BOP1: variants seen among roughly 807,000 people sequenced by gnomAD.
BOP1 encodes ribosome biogenesis protein BOP1.
BOP1 carries 54 observed loss-of-function variants against 82.9 expected under a neutral mutation model. The ratio of observed to expected loss-of-function variants is 0.65; its 90% CI spans 0.52 to 0.82. BOP1 has a LOEUF of 0.82. Ranked by LOEUF, BOP1 falls within the 40% of genes least tolerant of loss-of-function variation. The pLI, the probability that BOP1 is intolerant of heterozygous loss-of-function variation, is 0.00. For synonymous variants in BOP1, 566 were observed against 451.1 expected (o/e 1.25, Z -3.23); for missense variants, 1,170 against 1,072.0 (o/e 1.09, Z -1.28).
chr8:144,270,544 C>G (rs998018332), intron 3 of BOP1, among the ~76,000 whole-genome samples: 2 of 152,090 alleles, frequency 1.3e-5, no homozygotes, highest in African/African-American at 4.8e-5. Flanking sequence ...TGAGCTGCAC[C>G]GGTAGCAGCG....
chr8:144,268,704 G>A (rs1845438271), intron 3 of BOP1, among the ~76,000 whole-genome samples: 2 of 152,158 alleles, frequency 1.3e-5, no homozygotes, highest in Non-Finnish European at 2.9e-5. Context: ...TGTGGGGTGG[G>A]GACAAGGGAG....
Position 144,263,535 on chromosome 8 carries a change from ACG to A in BOP1, c.1365_1366del (p.Val456GlyfsTer50). The A allele has an allele frequency of 6.3e-7, 1 of 1,599,660 alleles. No individual in the cohort carries two copies. Among genetic ancestry groups the A allele is most frequent in the Non-Finnish European group, 8.5e-7 (1 of 1,179,658 alleles). The stretch of plus-strand genomic sequence containing the variant: ...GGGGTTCCAGGCCACACTCTTCACC[ACG>A]CCCCCCACGGGAACAGTCCTCACAC... On this transcript the variant is annotated frameshift_variant, in exon 11 of 16. Transcript: ENST00000569669. LOFTEE classifies it high-confidence loss of function.
In BOP1 at chr8:144,263,685, G is replaced by C; in HGVS notation, c.1291+7C>G. 1 of 1,578,142 alleles carries C rather than the reference G, an allele frequency of 6.3e-7. No homozygotes were observed. Among genetic ancestry groups the C allele is most frequent in the Non-Finnish European group, 8.6e-7 (1 of 1,163,492 alleles). On this transcript the variant is annotated splice_region_variant and intron_variant, in intron 10 of 15. Transcript: ENST00000569669. ...CCAGCTCAAGGCTGCCCCCAGCTCGGACCCACCTGAAACCAGCCACTGGCC... is the reference window on the plus strand; with the variant it reads ...CCAGCTCAAGGCTGCCCCCAGCTCGCACCCACCTGAAACCAGCCACTGGCC...
chr8:144,274,799 G>A (rs1286759648), intron 3 of BOP1, among the ~76,000 whole-genome samples: 2 of 152,046 alleles, frequency 1.3e-5, no homozygotes, highest in Non-Finnish European at 2.9e-5. Flanking sequence ...CACAGGCCCC[G>A]CCGAGGCCCC....
Position 144,276,281 on chromosome 8 carries a change from T to C in BOP1, c.333A>G (p.Thr111=), listed in dbSNP as rs952481228. The C allele has an allele frequency of 9.9e-6, 16 of 1,613,466 alleles. 2 individuals carry two copies. The African/African-American group carries it at 1.3e-4, about 13-fold the overall frequency. ...QVQASTPCPR[T]EMASARIGDE... is the part of the protein sequence containing the mutation. ...CCCCAATCCGGGCGCTCGCCATCTC[T>C]GTCCTCGGGCAAGGAGTGCTGGCCT... Residue 111 remains threonine, a synonymous_variant, in exon 3 of 16, where the codon ACA becomes ACG. Transcript: ENST00000569669.
intron 2 of BOP1, among the ~76,000 whole-genome samples, chr8:144,288,111 C>CA (rs1316578515): frequency 2.0e-5 from 3 of 150,696 alleles, no homozygotes; most frequent in African/African-American, 7.3e-5. Context: ...ACTAAACATA[C>CA]AAAAAAAAAT....
At position 144,291,173 on chromosome 8, in the gene BOP1, G is replaced by T. The variant is rs1419138120; in HGVS notation, c.99+99C>A. Reference sequence around the variant, plus strand: ...CAAGACCGATTCACTGGGCGCGGGCGCCCAGGTGACAGAAGCCGGGCCCAC... The same window carrying T: ...CAAGACCGATTCACTGGGCGCGGGCTCCCAGGTGACAGAAGCCGGGCCCAC... On this transcript the variant is annotated intron_variant, in intron 1 of 15. Coordinates refer to ENST00000569669, the MANE Select transcript of BOP1 (RefSeq NM_015201.5). This position sits in a 1 kb window ranked among gnomAD's most constrained non-coding sequence, Gnocchi z 4.1. The T allele has an allele frequency of 8.5e-6, 9 of 1,059,350 alleles. No individual in the cohort carries two copies. Among genetic ancestry groups the T allele is most frequent in the Admixed American group, 4.7e-5 (1 of 21,324 alleles). 65.6% of individuals were successfully genotyped at this position (1,059,350 alleles called of 1,614,324 possible).
intron 3 of BOP1, chr8:144,267,204 G>T (rs989732565): frequency 6.7e-7 from 1 of 1,493,362 alleles, no homozygotes; most frequent in Non-Finnish European, 8.8e-7. Context: ...GTGGGGCGCC[G>T]AGGGGGGCCT....
chr8:144,263,688 C>A lies in BOP1; in HGVS notation c.1291+4G>T. On this transcript the variant is annotated splice_donor_region_variant and intron_variant, in intron 10 of 15. Coordinates refer to ENST00000569669, the MANE Select transcript of BOP1 (RefSeq NM_015201.5). Reference sequence around the variant, plus strand: ...GCTCAAGGCTGCCCCCAGCTCGGACCCACCTGAAACCAGCCACTGGCCCCC... The same window carrying A: ...GCTCAAGGCTGCCCCCAGCTCGGACACACCTGAAACCAGCCACTGGCCCCC... 1 of 1,575,946 alleles carries A rather than the reference C, an allele frequency of 6.3e-7. No individual in the cohort carries two copies. Among genetic ancestry groups the A allele is most frequent in the Non-Finnish European group, 8.6e-7 (1 of 1,162,270 alleles).
At position 144,290,338 on chromosome 8, in the gene BOP1, C is replaced by CAA. The variant is rs11353637; in HGVS notation, c.99+932_99+933dup. On this transcript the variant is annotated intron_variant, in intron 1 of 15. Transcript: ENST00000569669. ...TGGGCAACAGAGCCAGGCTCTGTCT[C>CAA]AAAAAAAAAAAAAAGAAAAAAGAAA... is the stretch of plus-strand genomic sequence containing the variant. Among the ~76,000 whole-genome samples, 245 of 125,888 alleles carry CAA rather than the reference C, an allele frequency of 1.9e-3. 1 individual carries two copies. The highest frequency in any genetic ancestry group is 4.1e-3 in the Middle Eastern group (1 of 242). The allele number at this position is 125,888 out of a possible 152,430, so 82.6% of individuals were successfully genotyped here.
chr8:144,266,524 C>CGCCCCGGCCGGCCCGCGAG (rs1471996202), intron 3 of BOP1: 1 of 990,438 alleles, frequency 1.0e-6, no homozygotes, highest in Non-Finnish European at 1.2e-6. Flanking sequence ...CCCCGCGCCT[C>CGCCCCGGCCGGCCCGCGAG]GCCCCGGCCG....
At position 144,263,037 on chromosome 8, in the gene BOP1, G is replaced by A. The variant is rs782448103; in HGVS notation, c.1710C>T (p.Arg570=). 4 of 1,570,662 alleles carry A rather than the reference G, an allele frequency of 2.5e-6. No homozygotes were observed. Among genetic ancestry groups the A allele is most frequent in the Non-Finnish European group, 1.7e-6 (2 of 1,167,000 alleles). Residue 570 remains arginine, a synonymous_variant, in exon 13 of 16, where the codon CGC becomes CGT. Transcript: ENST00000569669. ...QVLIHQLSRR[R]SQSPFRRSHG... Reference sequence around the variant, plus strand: ...GGCTGCGGCGGAACGGACTCTGGCTGCGGCGACGGCTCAGCTGGTGAATCA... The same window carrying A: ...GGCTGCGGCGGAACGGACTCTGGCTACGGCGACGGCTCAGCTGGTGAATCA...
At chr8:144,266,615 T>C in intron 3 of BOP1, 1 of 1,199,568 alleles carries the variant, frequency 8.3e-7, no homozygotes. Context: ...GCCGGCCCCA[T>C]GTCCTTCGCC....
Position 144,262,053 on chromosome 8 carries a change from GGGC to G in BOP1, c.*108_*110del, listed in dbSNP as rs1845186298. 31 of 1,489,766 alleles carry G rather than the reference GGGC, an allele frequency of 2.1e-5. No individual in the cohort carries two copies. The highest frequency in any genetic ancestry group is 2.8e-5 in the Non-Finnish European group (31 of 1,089,122). The allele number at this position is 1,489,766 out of a possible 1,614,324, so 92.3% of individuals were successfully genotyped here. On this transcript the variant is annotated 3_prime_UTR_variant, in exon 16 of 16. Transcript: ENST00000569669. ...AGGGGAAGGCTCGGCGCTGTGGTGG[GGGC>G]GGCTTTGTTGGCAACCCCAATTCAA... is the stretch of plus-strand genomic sequence containing the variant.
chr8:144,266,600 C>A (rs1446637140), intron 3 of BOP1: 1 of 1,116,988 alleles, frequency 9.0e-7, no homozygotes, highest in Non-Finnish European at 1.1e-6. Flanking sequence ...TGACGCCGCG[C>A]CCCCGCCGGC....
At chr8:144,278,110 T>C (rs1588600918) in intron 2 of BOP1, among the ~76,000 whole-genome samples, 2 of 152,060 alleles carry the variant, frequency 1.3e-5, no homozygotes. Flanking sequence ...TCGGGCCCGA[T>C]GGAGCACGAG....
intron 3 of BOP1, among the ~76,000 whole-genome samples, chr8:144,268,891 G>A (rs1299217596): frequency 2.0e-5 from 3 of 152,174 alleles, no homozygotes; most frequent in Non-Finnish European, 4.4e-5. Context: ...CTGAGGGTGA[G>A]GAGGGCGCTG....
Position 144,262,088 on chromosome 8 carries a change from G to T in BOP1, c.*76C>A. On this transcript the variant is annotated 3_prime_UTR_variant, in exon 16 of 16. Coordinates refer to ENST00000569669, the MANE Select transcript of BOP1 (RefSeq NM_015201.5). ...GTTGGCAACCCCAATTCAAGAAGGTGGGAGCACCAGGCAGCACAGGGTAAA... is the reference window on the plus strand; with the variant it reads ...GTTGGCAACCCCAATTCAAGAAGGTTGGAGCACCAGGCAGCACAGGGTAAA... 6.3e-7 allele frequency: 1 copy of T among 1,597,676 alleles called. No homozygotes were observed. Among genetic ancestry groups the T allele is most frequent in the Non-Finnish European group, 8.5e-7 (1 of 1,171,372 alleles).
chr8:144,281,658 A>C (rs550257512), intron 2 of BOP1: 2 of 152,154 alleles, frequency 1.3e-5, no homozygotes, highest in Non-Finnish European at 2.9e-5. Flanking sequence ...GCCTTCTCTT[A>C]CTAGTGCTTT....
Sources: gnomAD v4.1 joint callset for allele counts (sites outside exome capture counted in the v4.1 genomes callset) on GRCh38, gnomAD v4.1.1 for gene constraint, Gnocchi (gnomAD v3.1) non-coding constraint, MANE v1.5 for transcripts, NCBI Gene and HGNC (gene_info 2026-07-23, HGNC 2026-07-21) for gene names.